The following CHST9 variants were observed in gnomAD, a reference collection of about 807,000 sequenced individuals.
The protein encoded by CHST9 is GalNAc-4-sulfotransferase 2.
CHST9 carries 41 observed loss-of-function variants against 44.4 expected under a neutral mutation model. That is an observed-to-expected ratio of 0.92 (90% confidence interval 0.72 to 1.20). The LOEUF is 1.20. Among genes scored for constraint, CHST9 ranks in the 50% most tolerant of loss-of-function variants. The probability of loss-of-function intolerance (pLI) is 0.00; values close to 1 mark genes in which losing one functional copy is unlikely to be tolerated. For synonymous variants in CHST9, 171 were observed against 178.4 expected (o/e 0.96, Z 0.33); for missense variants, 504 against 516.5 (o/e 0.98, Z 0.23).
intron 3 of CHST9, 56 bp from the exon 4 acceptor site, chr18:27,024,213 TA>T (rs2057258339): frequency 1.4e-6 from 2 of 1,455,368 alleles, no homozygotes; most frequent in African/African-American, 2.8e-5. Flanking sequence ...AAGACATTTA[TA>T]AAACTTTCTA....
chr18:27,102,956 T>C (rs1429513449), intron 2 of CHST9, among the ~76,000 whole-genome samples: 1 of 152,180 alleles, frequency 6.6e-6, no homozygotes, highest in African/African-American at 2.4e-5. Context: ...AATGGGCCAT[T>C]TGTTTGTCAT....
chr18:27,105,614 TACA>T (rs893850861), intron 2 of CHST9, among the ~76,000 whole-genome samples: 10 of 152,166 alleles, frequency 6.6e-5, no homozygotes, highest in African/African-American at 2.4e-4. Context: ...TGCAATGAAT[TACA>T]CCTCTTTCAA....
intron 2 of CHST9, among the ~76,000 whole-genome samples, chr18:27,104,128 G>C (rs2058199230): frequency 6.6e-6 from 1 of 152,080 alleles, no homozygotes. Flanking sequence ...CACACATCGA[G>C]CACCTACTAA....
At chr18:27,010,632 AT>A (rs776658568) in intron 4 of CHST9, among the ~76,000 whole-genome samples, 8 of 152,166 alleles carry the variant, frequency 5.3e-5, no homozygotes, top group Admixed American at 1.3e-4. Context: ...GAAGATAATA[AT>A]GTCATTGATA....
In CHST9 at chr18:27,068,356, A is replaced by G. The variant is rs8091283; in HGVS notation, c.122-19853T>C. Among the ~76,000 whole-genome samples, 1,325 of 152,032 alleles carry G rather than the reference A, an allele frequency of 8.7e-3. 21 individuals are homozygous for G. The highest frequency in any genetic ancestry group is 0.029 in the African/African-American group (1,188 of 41,474). On this transcript the variant is annotated intron_variant, in intron 2 of 5. Transcript: ENST00000618847. ...TCTTTTATTTCTTTGAACATTTAAG[A>G]TGTACTTGAGGTCTTTTCATTTTCA...
intron 2 of CHST9, among the ~76,000 whole-genome samples, chr18:27,052,453 G>A (rs2057579735): frequency 6.6e-6 from 1 of 152,010 alleles, no homozygotes; most frequent in Non-Finnish European, 1.5e-5. Flanking sequence ...TGTTTAGATG[G>A]AGACGACCCT....
intron 2 of CHST9, among the ~76,000 whole-genome samples, chr18:27,071,985 G>A (rs568161796): frequency 1.3e-5 from 2 of 152,050 alleles, no homozygotes; most frequent in South Asian, 4.2e-4. Flanking sequence ...TCTATTTGAC[G>A]GTGATGCTGT....
At chr18:26,985,918 C>G (rs2056749782) in intron 4 of CHST9, among the ~76,000 whole-genome samples, 1 of 152,176 alleles carries the variant, frequency 6.6e-6, no homozygotes, top group Admixed American at 6.5e-5. Context: ...AGACTGGTCA[C>G]TGTTTTAGAT....
intron 4 of CHST9, among the ~76,000 whole-genome samples, chr18:26,944,685 C>G (rs1455515080): frequency 2.0e-5 from 3 of 152,066 alleles, no homozygotes; most frequent in African/African-American, 4.8e-5. Context: ...TGAACAACAG[C>G]CAGTCAAAAC....
intron 2 of CHST9, among the ~76,000 whole-genome samples, chr18:27,109,938 C>T (rs763169540): frequency 1.3e-5 from 2 of 151,964 alleles, no homozygotes; most frequent in Non-Finnish European, 2.9e-5. Flanking sequence ...GGGAAGCTCT[C>T]GGATGAGCAC....
chr18:27,149,982 AGACT>A lies in CHST9; in HGVS notation c.-96-7081_-96-7078del, dbSNP rs202209229. 7.5e-3 allele frequency among the ~76,000 whole-genome samples: 1,144 copies of A among 152,148 alleles called. 18 individuals carry two copies. Among genetic ancestry groups the A allele is most frequent in the African/African-American group, 0.026 (1,092 of 41,526 alleles). On this transcript the variant is annotated intron_variant, in intron 1 of 5. Transcript: ENST00000618847. ...TAAAATATATATCTAAGTTTTTGTC[AGACT>A]GCAATATAAAAGTTACATTTTGCTT...
At chr18:26,978,471 G>T (rs2056652267) in intron 4 of CHST9, among the ~76,000 whole-genome samples, 1 of 152,082 alleles carries the variant, frequency 6.6e-6, no homozygotes, top group Non-Finnish European at 1.5e-5. Context: ...TCTCTCGTGT[G>T]CTAGAACTTT....
chr18:27,174,879 G>T (rs6508477), intron 1 of CHST9, among the ~76,000 whole-genome samples: 46,607 of 151,808 alleles, frequency 0.31, 7,392 homozygotes, highest in South Asian at 0.43. Context: ...TCCTTCTGAT[G>T]TGCCCTCATT....
intron 2 of CHST9, among the ~76,000 whole-genome samples, chr18:27,060,992 C>A (rs2057715108): frequency 6.6e-6 from 1 of 152,220 alleles, no homozygotes; most frequent in Admixed American, 6.5e-5. Flanking sequence ...AAAAGACACG[C>A]ATGGGAGAAA....
chr18:27,108,965 C>G (rs1445555728), intron 2 of CHST9, among the ~76,000 whole-genome samples: 3 of 152,322 alleles, frequency 2.0e-5, no homozygotes, highest in East Asian at 1.9e-4. Context: ...TTCTACTTCT[C>G]TATACTACAG....
At chr18:27,056,445 G>A (rs913773099) in intron 2 of CHST9, among the ~76,000 whole-genome samples, 1 of 152,130 alleles carries the variant, frequency 6.6e-6, no homozygotes, top group Admixed American at 6.5e-5. Flanking sequence ...AAAACTTTGA[G>A]TTGTAGCTCT....
chr18:27,033,210 T>G (rs1364933519), intron 3 of CHST9, among the ~76,000 whole-genome samples: 1 of 152,242 alleles, frequency 6.6e-6, no homozygotes, highest in Admixed American at 6.5e-5. Context: ...TTTCTTTGAA[T>G]AGCCCAGCAC....
chr18:26,989,407 A>G (rs941723525), intron 4 of CHST9, among the ~76,000 whole-genome samples: 1 of 152,236 alleles, frequency 6.6e-6, no homozygotes, highest in African/African-American at 2.4e-5. Context: ...TAGAATGGCT[A>G]AAATGAGAAA....
intron 4 of CHST9, among the ~76,000 whole-genome samples, chr18:26,995,051 G>A (rs9963224): frequency 1.6e-3 from 244 of 152,042 alleles, no homozygotes; most frequent in African/African-American, 5.0e-3. Context: ...GCAACCCTGC[G>A]GAGGGTCCCA....
Sources: gnomAD v4.1 joint callset for allele counts (sites outside exome capture counted in the v4.1 genomes callset) on GRCh38, gnomAD v4.1.1 for gene constraint, MANE v1.5 for transcripts, NCBI Gene and HGNC (gene_info 2026-07-23, HGNC 2026-07-21) for gene names.